The following LRMDA variants were observed in gnomAD, a reference collection of about 807,000 sequenced individuals.
LRMDA encodes leucine rich melanocyte differentiation associated, also known as leucine-rich melanocyte differentiation-associated protein.
Under a neutral mutation model 29.8 loss-of-function variants are expected in LRMDA, and 18 were observed. The ratio of observed to expected loss-of-function variants is 0.60; its 90% CI spans 0.42 to 0.90. The LOEUF (loss-of-function observed/expected upper bound fraction) is 0.90, where lower values mean the gene tolerates loss of function less well. Among genes scored for constraint, LRMDA ranks in the 40% least tolerant of loss-of-function variants. LRMDA has a pLI of 0.00. For missense variants in LRMDA, 273 were observed against 273.9 expected, an observed-to-expected ratio of 1.00 and a Z score of 0.02; for synonymous variants, 125 against 109.4, an observed-to-expected ratio of 1.14 and a Z score of -0.89.
At chr10:76,552,479 T>C (rs1843508245) in intron 6 of LRMDA, among the ~76,000 whole-genome samples, 1 of 152,202 alleles carries the variant, frequency 6.6e-6, no homozygotes, top group Non-Finnish European at 1.5e-5. Context: ...TCCAAATCAA[T>C]TTTTTTATTG....
chr10:75,616,869 T>TTC (rs1841110034), intron 2 of LRMDA, among the ~76,000 whole-genome samples: 1 of 152,236 alleles, frequency 6.6e-6, no homozygotes, highest in Admixed American at 6.5e-5. Flanking sequence ...TATCACCAGA[T>TTC]TCTCTCTGCC....
At chr10:75,655,498 A>G (rs144175363) in intron 2 of LRMDA, among the ~76,000 whole-genome samples, 17 of 152,312 alleles carry the variant, frequency 1.1e-4, no homozygotes, top group African/African-American at 4.1e-4. Context: ...GTCTATCCAC[A>G]TCTTTGAGGC....
intron 6 of LRMDA, among the ~76,000 whole-genome samples, chr10:76,391,598 CAA>C (rs1564528541): frequency 6.6e-6 from 1 of 152,148 alleles, no homozygotes; most frequent in Non-Finnish European, 1.5e-5. Flanking sequence ...GAAAGCCATG[CAA>C]ATTAAACTAA....
At chr10:76,127,767 G>C (rs1199249252) in intron 5 of LRMDA, among the ~76,000 whole-genome samples, 1 of 152,022 alleles carries the variant, frequency 6.6e-6, no homozygotes, top group African/African-American at 2.4e-5. Context: ...CCTCTTTAAA[G>C]AAAACAAAAC....
At chr10:76,270,266 C>A (rs1840051300) in intron 5 of LRMDA, 1 of 152,190 alleles carries the variant, frequency 6.6e-6, no homozygotes, top group Admixed American at 6.5e-5. Flanking sequence ...GGGAGGGGAG[C>A]TATTTTCACT....
chr10:75,953,258 TA>T (rs1846608667), intron 2 of LRMDA, among the ~76,000 whole-genome samples: 1 of 152,042 alleles, frequency 6.6e-6, no homozygotes, highest in African/African-American at 2.4e-5. Context: ...TAAAATTTTT[TA>T]TAGAGATAGC....
At chr10:76,484,808 T>G (rs1029801468) in intron 6 of LRMDA, among the ~76,000 whole-genome samples, 2 of 151,870 alleles carry the variant, frequency 1.3e-5, no homozygotes, top group Admixed American at 6.6e-5. Context: ...TTTTGCCTCA[T>G]GTATTTTGAT....
At chr10:75,914,978 A>G (rs933862560) in intron 2 of LRMDA, among the ~76,000 whole-genome samples, 1 of 152,164 alleles carries the variant, frequency 6.6e-6, no homozygotes, top group African/African-American at 2.4e-5. Flanking sequence ...TCACTGGCCC[A>G]TTGAAGAACC....
intron 5 of LRMDA, among the ~76,000 whole-genome samples, chr10:76,182,765 G>T (rs930412706): frequency 5.3e-5 from 8 of 152,188 alleles, no homozygotes; most frequent in African/African-American, 1.9e-4. Context: ...TGGAAGGAGA[G>T]AAAAGCTAAG....
At chr10:76,224,407 A>G (rs1284600131) in intron 5 of LRMDA, among the ~76,000 whole-genome samples, 1 of 151,984 alleles carries the variant, frequency 6.6e-6, no homozygotes, top group Non-Finnish European at 1.5e-5. Flanking sequence ...TCCCATCTCT[A>G]CAAAAAATAC....
chr10:76,201,595 A>G (rs1481107530), intron 5 of LRMDA, among the ~76,000 whole-genome samples: 1 of 152,186 alleles, frequency 6.6e-6, no homozygotes, highest in African/African-American at 2.4e-5. Flanking sequence ...CTCAGAGCCT[A>G]TTATGTTGCA....
At chr10:75,590,421 A>G (rs941767439) in intron 2 of LRMDA, among the ~76,000 whole-genome samples, 2 of 100,310 alleles carry the variant, frequency 2.0e-5, no homozygotes, top group Admixed American at 1.2e-4. Context: ...TAGTACTTTT[A>G]TGGTTTCCTT....
intron 6 of LRMDA, among the ~76,000 whole-genome samples, chr10:76,334,171 T>C (rs1840938825): frequency 6.6e-6 from 1 of 152,244 alleles, no homozygotes; most frequent in African/African-American, 2.4e-5. Flanking sequence ...GGGTGTTTTA[T>C]TTCTGAATCT....
At chr10:75,479,506 A>T (rs1844833924) in intron 2 of LRMDA, among the ~76,000 whole-genome samples, 2 of 5,114 alleles carry the variant, frequency 3.9e-4, no homozygotes, top group Admixed American at 7.8e-3. Context: ...GACTCTGTCT[A>T]AAAAAAAAAA....
chr10:75,728,807 A>C (rs1842661213), intron 2 of LRMDA, among the ~76,000 whole-genome samples: 1 of 151,674 alleles, frequency 6.6e-6, no homozygotes, highest in Non-Finnish European at 1.5e-5. Context: ...ATGGTGGCTA[A>C]TGGGGGTTGA....
intron 6 of LRMDA, among the ~76,000 whole-genome samples, chr10:76,331,359 C>T (rs78996973): frequency 0.021 from 3,271 of 152,270 alleles, 131 homozygotes; most frequent in African/African-American, 0.073. Context: ...TAAGGTCAGG[C>T]CCTATGAGTG....
At chr10:75,749,907 G>C (rs1842933684) in intron 2 of LRMDA, among the ~76,000 whole-genome samples, 1 of 152,226 alleles carries the variant, frequency 6.6e-6, no homozygotes, top group Non-Finnish European at 1.5e-5. Flanking sequence ...TTAACCCTGA[G>C]TGGACACACC....
rs774512549 is a variant in LRMDA at position 76,557,350 on chromosome 10, TAAAG to T, written c.*66_*69del. ...ATAAAATCAAAAGGGAAATCAAAAA[TAAAG>T]AAAACGCTAAAGAAAAAACAATAGC... On this transcript the variant is annotated 3_prime_UTR_variant, in exon 7 of 7. Coordinates refer to ENST00000611255, the MANE Select transcript of LRMDA (RefSeq NM_001305581.2). The T allele has an allele frequency of 6.7e-5, 91 of 1,359,626 alleles. No homozygotes were observed. The highest frequency in any genetic ancestry group is 8.7e-5 in the Non-Finnish European group (83 of 956,302). 84.2% of individuals were successfully genotyped at this position (1,359,626 alleles called of 1,614,324 possible). A position where few individuals can be genotyped will look rare whatever the true frequency, so the allele number is the denominator to read the frequency against.
intron 5 of LRMDA, among the ~76,000 whole-genome samples, chr10:76,223,495 C>G (rs972691527): frequency 6.6e-6 from 1 of 152,152 alleles, no homozygotes; most frequent in Non-Finnish European, 1.5e-5. Context: ...CCCCAAAATT[C>G]ATATGCTGAA....
Sources: allele counts gnomAD v4.1 joint callset (sites outside exome capture counted in the v4.1 genomes callset), GRCh38; gene constraint gnomAD v4.1.1; transcripts MANE v1.5; gene names NCBI Gene and HGNC (gene_info 2026-07-23, HGNC 2026-07-21).